The following SLC44A5 variants were observed in gnomAD, a reference collection of about 807,000 sequenced individuals.
The protein encoded by SLC44A5 is solute carrier family 44 member 5.
Under a neutral mutation model 101.8 loss-of-function variants are expected in SLC44A5, and 57 were observed. That is an observed-to-expected ratio of 0.56 (90% CI 0.45 to 0.70). The LOEUF is 0.70. Ranked by LOEUF, SLC44A5 falls within the 30% of genes least tolerant of loss-of-function variation. SLC44A5 has a pLI of 0.00. For missense variants in SLC44A5, 737 were observed against 853.1 expected (o/e 0.86, Z 1.70); for synonymous variants, 281 against 290.9 (o/e 0.97, Z 0.35).
At chr1:75,700,170 C>T in the SLC44A5 span, among the ~76,000 whole-genome samples, 1 of 152,136 alleles carries the variant, frequency 6.6e-6, no homozygotes, top group Non-Finnish European at 1.5e-5. Flanking sequence ...TAGACATCTA[C>T]AGAAATCTCC....
chr1:75,212,436 ATGCAGCATTT>A (rs1646876882), intron 22 of SLC44A5, among the ~76,000 whole-genome samples: 1 of 152,142 alleles, frequency 6.6e-6, no homozygotes, highest in East Asian at 1.9e-4. Flanking sequence ...AAGTGAGAAC[ATGCAGCATTT>A]GGTTTTCTCT....
chr1:75,534,702 C>A (rs1017084860), intron 2 of SLC44A5, among the ~76,000 whole-genome samples: 1 of 152,158 alleles, frequency 6.6e-6, no homozygotes, highest in Non-Finnish European at 1.5e-5. Context: ...AAATCCAGTC[C>A]TGAAATAACT....
At chr1:75,243,113 G>T in intron 7 of SLC44A5, 102 bp from the exon 8 acceptor site, 2 of 1,334,150 alleles carry the variant, frequency 1.5e-6, no homozygotes, top group Non-Finnish European at 2.0e-6. Flanking sequence ...AAAAAGCAAT[G>T]CACTGTTTTC....
intron 2 of SLC44A5, among the ~76,000 whole-genome samples, chr1:75,506,082 T>C (rs1669238080): frequency 6.6e-6 from 1 of 152,156 alleles, no homozygotes; most frequent in Non-Finnish European, 1.5e-5. Flanking sequence ...CAGCAAACTA[T>C]CCCAGTACCA....
intron 1 of SLC44A5, among the ~76,000 whole-genome samples, chr1:75,542,848 T>C (rs1486699439): frequency 6.6e-6 from 1 of 152,212 alleles, no homozygotes; most frequent in Non-Finnish European, 1.5e-5. Context: ...AACATATCTC[T>C]TTTATAGTTG....
intron 1 of SLC44A5, among the ~76,000 whole-genome samples, chr1:75,584,256 G>A (rs757291693): frequency 6.6e-6 from 1 of 152,166 alleles, no homozygotes; most frequent in Admixed American, 6.5e-5. Flanking sequence ...GTAATTAAAA[G>A]GTTCATGAAA....
At chr1:75,679,515 C>T in the SLC44A5 span, among the ~76,000 whole-genome samples, 1 of 151,640 alleles carries the variant, frequency 6.6e-6, no homozygotes, top group African/African-American at 2.4e-5. Flanking sequence ...CCAAACTAAG[C>T]TTCATAAGTG....
intron 13 of SLC44A5, among the ~76,000 whole-genome samples, chr1:75,224,990 T>A (rs145132004): frequency 6.6e-6 from 1 of 152,292 alleles, no homozygotes; most frequent in East Asian, 1.9e-4. Flanking sequence ...TTTAATAAAT[T>A]TATTGTAGCC....
intron 3 of SLC44A5, chr1:75,357,313 A>G (rs528641307): frequency 1.9e-5 from 8 of 430,324 alleles, no homozygotes; most frequent in Non-Finnish European, 3.3e-5. Flanking sequence ...CTATTCATTG[A>G]TAGAGAGCCC....
chr1:75,303,739 T>C (rs1399559195), intron 4 of SLC44A5, among the ~76,000 whole-genome samples: 1 of 152,166 alleles, frequency 6.6e-6, no homozygotes, highest in Non-Finnish European at 1.5e-5. Context: ...GGACAGCATT[T>C]CTCAATAATT....
At chr1:75,265,070 CCAAA>C (rs1005325149) in intron 6 of SLC44A5, among the ~76,000 whole-genome samples, 4 of 151,984 alleles carry the variant, frequency 2.6e-5, no homozygotes, top group African/African-American at 9.7e-5. Flanking sequence ...AATAGAAAAA[CCAAA>C]CAGACCAATA....
intron 4 of SLC44A5, among the ~76,000 whole-genome samples, chr1:75,302,888 A>G (rs939655945): frequency 2.0e-5 from 3 of 152,166 alleles, no homozygotes; most frequent in African/African-American, 7.2e-5. Flanking sequence ...GGTGGGACAG[A>G]GTTTGATGGC....
At chr1:75,369,983 G>A (rs1398103817) in intron 3 of SLC44A5, among the ~76,000 whole-genome samples, 3 of 152,122 alleles carry the variant, frequency 2.0e-5, no homozygotes, top group Non-Finnish European at 4.4e-5. Context: ...AAGGTTCTAC[G>A]CCATCAAGAT....
At chr1:75,545,013 C>G (rs1671568184) in intron 1 of SLC44A5, among the ~76,000 whole-genome samples, 1 of 152,088 alleles carries the variant, frequency 6.6e-6, no homozygotes, top group Admixed American at 6.6e-5. Flanking sequence ...CCCTAGCCCC[C>G]CACCCTCCAA....
At position 75,567,274 on chromosome 1, in the gene SLC44A5, T is replaced by G. The variant is rs1035683289; in HGVS notation, c.-69-25758A>C. On this transcript the variant is annotated intron_variant, in intron 1 of 23. Transcript: ENST00000370859. ...CTTTCCTATGTACAGCTCCCCCACATAGATGACAACCTCAGAATTCACCCA... is the reference window on the plus strand; with the variant it reads ...CTTTCCTATGTACAGCTCCCCCACAGAGATGACAACCTCAGAATTCACCCA... Among the ~76,000 whole-genome samples the G allele has an allele frequency of 2.8e-4, 43 of 152,054 alleles. 1 individual carries two copies. Among genetic ancestry groups the G allele is most frequent in the Admixed American group, 2.6e-3 (39 of 15,256 alleles).
intron 5 of SLC44A5, among the ~76,000 whole-genome samples, chr1:75,299,473 T>A (rs926576911): frequency 6.6e-6 from 1 of 152,228 alleles, no homozygotes; most frequent in African/African-American, 2.4e-5. Context: ...CCAGTTAGGA[T>A]ATAACTTTCT....
rs564629325 is a variant in SLC44A5 at position 75,531,214 on chromosome 1, T to G, written c.13+10221A>C. On this transcript the variant is annotated intron_variant, in intron 2 of 23. Transcript: ENST00000370859. ...AGATTTTTTAAAGCCTGTCCATAAA[T>G]AGACCTATTTATCTCTGTTTAATCT... 3.9e-5 allele frequency among the ~76,000 whole-genome samples: 6 copies of G among 152,356 alleles called. No individual in the cohort carries two copies. In the South Asian group the frequency reaches 1.2e-3, roughly 32 times the overall value.
intron 5 of SLC44A5, among the ~76,000 whole-genome samples, chr1:75,297,312 T>G (rs556019985): frequency 4.6e-5 from 7 of 152,328 alleles, no homozygotes; most frequent in Non-Finnish European, 8.8e-5. Context: ...TGAGACAAAG[T>G]CTGGCTCTAT....
At chr1:75,261,144 C>T (rs1650466902) in intron 6 of SLC44A5, among the ~76,000 whole-genome samples, 1 of 152,028 alleles carries the variant, frequency 6.6e-6, no homozygotes, top group Non-Finnish European at 1.5e-5. Context: ...AATTCAAAAG[C>T]TAGCAGAAAG....
Sources: allele counts gnomAD v4.1 joint callset (sites outside exome capture counted in the v4.1 genomes callset), GRCh38; gene constraint gnomAD v4.1.1; transcripts MANE v1.5; gene names NCBI Gene and HGNC (gene_info 2026-07-23, HGNC 2026-07-21).